The following LIN28A variants were observed in gnomAD, a reference collection of about 807,000 sequenced individuals.
The protein encoded by LIN28A is protein lin-28 homolog A.
LIN28A carries 11 observed loss-of-function variants against 21.1 expected under a neutral mutation model. The observed-to-expected ratio is 0.52, with a 90% CI of 0.33 to 0.86. LIN28A has a LOEUF of 0.86. LIN28A is among the 40% of genes least tolerant of loss of function. LIN28A has a pLI of 0.03. For synonymous variants in LIN28A, 111 were observed against 108.7 expected (o/e 1.02, Z -0.13); for missense variants, 219 against 279.8 (o/e 0.78, Z 1.55).
intron 3 of LIN28A, 49 bp downstream of exon 3, chr1:26,425,536 C>T (rs1557427236): frequency 6.5e-7 from 1 of 1,533,320 alleles, no homozygotes; most frequent in Non-Finnish European, 8.9e-7. Flanking sequence ...CATCCCCAGT[C>T]TCCCAATCCT....
Position 26,428,228 on chromosome 1 carries a change from C to T in LIN28A, c.*1770C>T, listed in dbSNP as rs1387255371. On this transcript the variant is annotated 3_prime_UTR_variant, in exon 4 of 4. Coordinates refer to ENST00000326279, the MANE Select transcript of LIN28A (RefSeq NM_024674.6). ...GCATCTTTGACAGAAGGTTCTGCAC[C>T]AGGCAAAAAGATCTGAAACATTAGT... is the stretch of plus-strand genomic sequence containing the variant. 2 of 152,748 alleles carry T rather than the reference C, an allele frequency of 1.3e-5. No homozygotes were observed. The highest frequency in any genetic ancestry group is 3.9e-4 in the East Asian group (2 of 5,192). The allele number at this position is 152,748 out of a possible 1,614,324, so 9.5% of individuals were successfully genotyped here.
chr1:26,418,439 G>T (rs911958784), intron 2 of LIN28A, among the ~76,000 whole-genome samples: 1 of 151,942 alleles, frequency 6.6e-6, no homozygotes, highest in Non-Finnish European at 1.5e-5. Flanking sequence ...CCAGCTACTC[G>T]GCAGGCTGAG....
chr1:26,428,688 C>T lies in LIN28A; in HGVS notation c.*2230C>T, dbSNP rs2075075119. 1 of 152,082 alleles carries T rather than the reference C, an allele frequency of 6.6e-6. No individual in the cohort carries two copies. The highest frequency in any genetic ancestry group is 2.1e-4 in the South Asian group (1 of 4,826). The allele number at this position is 152,082 out of a possible 1,614,324, so 9.4% of individuals were successfully genotyped here. A position where few individuals can be genotyped will look rare whatever the true frequency, so the allele number is the denominator to read the frequency against. ...CCTGAGTAGCTGGGATTTCAGGCAC[C>T]CGCCACACTCAGCTAATTTTTGTAT... On this transcript the variant is annotated 3_prime_UTR_variant, in exon 4 of 4. Transcript: ENST00000326279.
intron 2 of LIN28A, among the ~76,000 whole-genome samples, chr1:26,412,206 G>C (rs2074964449): frequency 6.6e-6 from 1 of 152,226 alleles, no homozygotes. Context: ...AACCCAAAGA[G>C]CCCAGGCCTT....
intron 2 of LIN28A, among the ~76,000 whole-genome samples, chr1:26,416,147 C>T (rs1231018824): frequency 6.6e-6 from 1 of 152,156 alleles, no homozygotes; most frequent in African/African-American, 2.4e-5. Flanking sequence ...TGTACACCAC[C>T]ACACCCAGCT....
chr1:26,426,393 A>C lies in LIN28A; in HGVS notation c.565A>C (p.Thr189Pro). 1.2e-6 allele frequency: 2 copies of C among 1,614,138 alleles called. No individual in the cohort carries two copies. Among genetic ancestry groups the C allele is most frequent in the Non-Finnish European group, 1.7e-6 (2 of 1,180,022 alleles). Residue 189 changes from threonine to proline, a missense_variant, in exon 4 of 4, where the codon ACC becomes CCC. Around this residue, in one of 3 missense-constraint regions of LIN28A, gnomAD observed 45 missense variants for 37.7 expected, o/e 1.19. Coordinates refer to ENST00000326279, the MANE Select transcript of LIN28A (RefSeq NM_024674.6). Reference sequence around the variant, plus strand: ...GGGCCCTAGTGCACAGGGAAAGCCAACCTACTTTCGAGAGGAAGAAGAAGA... The same window carrying C: ...GGGCCCTAGTGCACAGGGAAAGCCACCCTACTTTCGAGAGGAAGAAGAAGA... ...QQGPSAQGKP[T>P]YFREEEEEIH...
rs758623242 is a variant in LIN28A, at chr1:26,411,596, C to T, written c.228+14C>T. On this transcript the variant is annotated intron_variant, in intron 2 of 3. Transcript: ENST00000326279. The surrounding 1 kb of genome is among the most constrained non-coding windows in gnomAD (Gnocchi z 5.4). ...TTTGTGCACCAGGTGAGACTGATTC[C>T]GGTAACTTTGCCCAGGGAAGGGCGT... The T allele has an allele frequency of 6.2e-7, 1 of 1,607,086 alleles. No homozygotes were observed. The highest frequency in any genetic ancestry group is 1.7e-5 in the Admixed American group (1 of 57,200).
At chr1:26,418,244 A>C (rs1261214725) in intron 2 of LIN28A, among the ~76,000 whole-genome samples, 1 of 152,126 alleles carries the variant, frequency 6.6e-6, no homozygotes, top group East Asian at 1.9e-4. Flanking sequence ...CTGTTATCAA[A>C]AAAAGAAAAA....
intron 2 of LIN28A, 109 bp from the exon 3 acceptor site, chr1:26,425,194 A>G (rs1195192769): frequency 2.8e-6 from 3 of 1,062,700 alleles, no homozygotes; most frequent in Non-Finnish European, 4.1e-6. Flanking sequence ...TACCAGTAAA[A>G]TAGGAGTACC....
At chr1:26,417,452 A>G (rs1356668749) in intron 2 of LIN28A, among the ~76,000 whole-genome samples, 4 of 152,196 alleles carry the variant, frequency 2.6e-5, no homozygotes, top group African/African-American at 7.2e-5. Context: ...ACACCACAGG[A>G]CTGAATCATT....
intron 2 of LIN28A, among the ~76,000 whole-genome samples, chr1:26,424,575 A>T (rs2075047437): frequency 6.6e-6 from 1 of 151,734 alleles, no homozygotes; most frequent in African/African-American, 2.4e-5. Flanking sequence ...CTTTTATTTT[A>T]TTTATTTATT....
chr1:26,418,984 G>T (rs555513635), intron 2 of LIN28A, among the ~76,000 whole-genome samples: 3 of 152,142 alleles, frequency 2.0e-5, no homozygotes, highest in Admixed American at 2.0e-4. Flanking sequence ...CTGACCACCA[G>T]AACCAGCCAG....
At chr1:26,413,196 C>A (rs1041044576) in intron 2 of LIN28A, among the ~76,000 whole-genome samples, 3 of 152,130 alleles carry the variant, frequency 2.0e-5, no homozygotes, top group Non-Finnish European at 2.9e-5. Context: ...AGATTAAAAT[C>A]TTTCCTGGTC....
chr1:26,424,574 T>C lies in LIN28A; in HGVS notation c.229-729T>C, dbSNP rs539011389. Among the ~76,000 whole-genome samples, 237 of 152,296 alleles carry C rather than the reference T, an allele frequency of 1.6e-3. 1 individual carries two copies. Among genetic ancestry groups the C allele is most frequent in the Non-Finnish European group, 2.9e-3 (198 of 68,018 alleles). On this transcript the variant is annotated intron_variant, in intron 2 of 3. Coordinates refer to ENST00000326279, the MANE Select transcript of LIN28A (RefSeq NM_024674.6). The stretch of plus-strand genomic sequence containing the variant: ...TGCCCAGCTATTTTTACTTTTATTT[T>C]ATTTATTTATTTTTGAGACGAAGTC...
intron 2 of LIN28A, among the ~76,000 whole-genome samples, chr1:26,423,440 G>GTGT: frequency 1.5e-5 from 1 of 67,430 alleles, no homozygotes; most frequent in Non-Finnish European, 3.0e-5. Flanking sequence ...TTTTTTTGTT[G>GTGT]TTGTTGTTGC....
chr1:26,422,237 TG>T (rs2075032359), intron 2 of LIN28A, among the ~76,000 whole-genome samples: 1 of 151,986 alleles, frequency 6.6e-6, no homozygotes, highest in Admixed American at 6.6e-5. Context: ...CTCGAATTCC[TG>T]GGCTCAAGCA....
rs2074960551 is a variant in LIN28A at position 26,411,657 on chromosome 1, G to A, written c.228+75G>A. On this transcript the variant is annotated intron_variant, in intron 2 of 3. Coordinates refer to ENST00000326279, the MANE Select transcript of LIN28A (RefSeq NM_024674.6). This position sits in a 1 kb window ranked among gnomAD's most constrained non-coding sequence, Gnocchi z 5.4. ...ATATCCACGGGTGGGCTCCGGGCTC[G>A]CAGTTGAATTGAGGGCCATCGGGAG... is the stretch of plus-strand genomic sequence containing the variant. The A allele has an allele frequency of 3.4e-6, 5 of 1,479,148 alleles. No homozygotes were observed. In the Admixed American group the frequency reaches 6.3e-5, roughly 19 times the overall value. 91.6% of individuals were successfully genotyped at this position (1,479,148 alleles called of 1,614,324 possible).
At position 26,427,902 on chromosome 1, in the gene LIN28A, A is replaced by G. The variant is rs927356552; in HGVS notation, c.*1444A>G. 3.9e-5 allele frequency: 6 copies of G among 152,656 alleles called. No homozygotes were observed. The highest frequency in any genetic ancestry group is 1.2e-4 in the African/African-American group (5 of 41,452). The allele number at this position is 152,656 out of a possible 1,614,324, so 9.5% of individuals were successfully genotyped here. ...CAGTAGTGATTAATAGTGTCATGGTAGCTAAAGGAGAAAAAGGGGGTTTCG... is the reference window on the plus strand; with the variant it reads ...CAGTAGTGATTAATAGTGTCATGGTGGCTAAAGGAGAAAAAGGGGGTTTCG... On this transcript the variant is annotated 3_prime_UTR_variant, in exon 4 of 4. Transcript: ENST00000326279.
In LIN28A at chr1:26,427,766, G is replaced by A. The variant is rs1371841037; in HGVS notation, c.*1308G>A. ...TGTACTTAATCCTGTGCTGTCGAGG[G>A]ATGGATATATGAAGTAAGGTGAGAT... is the stretch of plus-strand genomic sequence containing the variant. On this transcript the variant is annotated 3_prime_UTR_variant, in exon 4 of 4. Transcript: ENST00000326279. The A allele has an allele frequency of 6.6e-6, 1 of 152,278 alleles. No homozygotes were observed. Among genetic ancestry groups the A allele is most frequent in the Non-Finnish European group, 1.5e-5 (1 of 68,040 alleles). 9.4% of individuals were successfully genotyped at this position (152,278 alleles called of 1,614,324 possible). A position where few individuals can be genotyped will look rare whatever the true frequency, so the allele number is the denominator to read the frequency against.
Sources: gnomAD v4.1 joint callset for allele counts (sites outside exome capture counted in the v4.1 genomes callset) on GRCh38, gnomAD v4.1.1 for gene constraint, gnomAD v4.1.1 regional missense constraint, Gnocchi (gnomAD v3.1) non-coding constraint, MANE v1.5 for transcripts, NCBI Gene and HGNC (gene_info 2026-07-23, HGNC 2026-07-21) for gene names.